NUP98: variants seen among roughly 807,000 people sequenced by gnomAD.
NUP98 encodes nucleoporin 98 and 96 precursor.
A neutral mutation model predicts 191.9 loss-of-function variants in NUP98; 26 were observed. The ratio of observed to expected loss-of-function variants is 0.14; its 90% CI spans 0.10 to 0.19. The LOEUF is 0.19. Ranked by LOEUF, NUP98 falls within the 10% of genes least tolerant of loss-of-function variation. The probability of loss-of-function intolerance (pLI) is 1.00; values close to 1 mark genes in which losing one functional copy is unlikely to be tolerated. For missense variants in NUP98, 1,941 were observed against 2,178.8 expected, an observed-to-expected ratio of 0.89 and a Z score of 2.17; for synonymous variants, 808 against 778.4, an observed-to-expected ratio of 1.04 and a Z score of -0.63.
At chr11:3,699,464 C>G in intron 24 of NUP98, 116 bp from the exon 25 acceptor site, 1 of 1,130,442 alleles carries the variant, frequency 8.8e-7, no homozygotes, top group Non-Finnish European at 1.3e-6. Context: ...TCTCAAACAA[C>G]CACTCAAGCT....
chr11:3,791,664 G>A (rs2082356251), intron 1 of NUP98, among the ~76,000 whole-genome samples: 1 of 150,544 alleles, frequency 6.6e-6, no homozygotes, highest in African/African-American at 2.4e-5. Context: ...CCAACATGAT[G>A]AAACCCTGTC....
chr11:3,731,179 G>A (rs753581267), intron 14 of NUP98, among the ~76,000 whole-genome samples: 40 of 151,576 alleles, frequency 2.6e-4, no homozygotes, highest in Admixed American at 4.6e-4. Flanking sequence ...CAAGAGAATC[G>A]TTTGAACCTG....
intron 4 of NUP98, among the ~76,000 whole-genome samples, chr11:3,777,272 A>G (rs2081765089): frequency 6.6e-6 from 1 of 152,232 alleles, no homozygotes; most frequent in African/African-American, 2.4e-5. Context: ...AATTACACAT[A>G]AATGAATTTA....
intron 10 of NUP98, chr11:3,760,326 T>G: frequency 1.7e-6 from 1 of 604,370 alleles, no homozygotes; most frequent in Non-Finnish European, 2.9e-6. Flanking sequence ...ACTAATTATC[T>G]CAAGCCATAT....
intron 7 of NUP98, among the ~76,000 whole-genome samples, chr11:3,769,800 T>C (rs71480410): frequency 0.012 from 1,894 of 151,726 alleles, 19 homozygotes; most frequent in South Asian, 0.026. Context: ...ATCCCAGCAC[T>C]TTGAGAGGCC....
intron 10 of NUP98, among the ~76,000 whole-genome samples, chr11:3,758,574 C>A (rs952138147): frequency 1.3e-5 from 2 of 152,136 alleles, no homozygotes; most frequent in African/African-American, 4.8e-5. Context: ...CGCCTGAGGT[C>A]AGGAGTTCAA....
chr11:3,781,062 T>G (rs1176865090), intron 2 of NUP98, among the ~76,000 whole-genome samples: 1 of 151,790 alleles, frequency 6.6e-6, no homozygotes, highest in Admixed American at 6.6e-5. Context: ...GGTGTGCAAC[T>G]GTGGTCCTAG....
intron 12 of NUP98, among the ~76,000 whole-genome samples, chr11:3,741,167 A>G (rs1407585857): frequency 1.3e-5 from 2 of 152,094 alleles, no homozygotes; most frequent in Non-Finnish European, 2.9e-5. Flanking sequence ...CAAGCACTAA[A>G]GTACTATCAA....
intron 28 of NUP98, among the ~76,000 whole-genome samples, chr11:3,690,540 G>A (rs910249179): frequency 2.0e-5 from 3 of 152,164 alleles, no homozygotes; most frequent in Admixed American, 1.3e-4. Flanking sequence ...GATTACAGGC[G>A]TGAGCCACCG....
chr11:3,754,480 C>A (rs1227699201), intron 10 of NUP98, among the ~76,000 whole-genome samples: 1 of 151,938 alleles, frequency 6.6e-6, no homozygotes, highest in African/African-American at 2.4e-5. Flanking sequence ...TTTAACTGAA[C>A]CTAAAGGTCC....
Position 3,706,466 on chromosome 11 carries a change from T to C in NUP98, c.2904A>G (p.Gly968=), listed in dbSNP as rs1460318572. Residue 968 remains glycine, a synonymous_variant, in exon 21 of 33, where the codon GGA becomes GGG. Transcript: ENST00000324932. ...SASTHIASSL[G]INPHVLQIMK... ...TCACCTGTAAGACATGTGGATTAAT[T>C]CCCAGTGAAGATGCAATATGTGTTG... 1 of 1,613,982 alleles carries C rather than the reference T, an allele frequency of 6.2e-7. No homozygotes were observed. The highest frequency in any genetic ancestry group is 8.5e-7 in the Non-Finnish European group (1 of 1,179,998).
chr11:3,679,122 CAAAAA>C (rs36063275), intron 31 of NUP98, among the ~76,000 whole-genome samples: 8 of 97,330 alleles, frequency 8.2e-5, no homozygotes, highest in Non-Finnish European at 1.2e-4. Flanking sequence ...GACTCTGTTC[CAAAAA>C]AAAAAAAAAA....
chr11:3,771,633 G>A (rs145835114), intron 7 of NUP98, 115 bp downstream of exon 7: 16 of 848,662 alleles, frequency 1.9e-5, no homozygotes, highest in Middle Eastern at 3.3e-4. Flanking sequence ...CTATTCCTAT[G>A]GTATCCCTGA....
intron 5 of NUP98, among the ~76,000 whole-genome samples, chr11:3,774,707 C>CA (rs879529823): frequency 5.8e-4 from 76 of 132,034 alleles, no homozygotes; most frequent in Admixed American, 9.2e-4. Context: ...ACTCTGTCTC[C>CA]AAAAAAAAAA....
At chr11:3,681,770 T>C (rs567024720) in intron 30 of NUP98, among the ~76,000 whole-genome samples, 3 of 152,302 alleles carry the variant, frequency 2.0e-5, no homozygotes, top group African/African-American at 7.2e-5. Context: ...ATTTTTAGAA[T>C]GGTAAATGAG....
intron 14 of NUP98, among the ~76,000 whole-genome samples, chr11:3,725,659 C>A (rs2079587659): frequency 3.3e-5 from 5 of 152,178 alleles, no homozygotes; most frequent in Admixed American, 3.3e-4. Context: ...GGTAAACAGA[C>A]ATTTGCTGAC....
chr11:3,726,077 C>A (rs1042548138), intron 14 of NUP98, among the ~76,000 whole-genome samples: 1 of 152,186 alleles, frequency 6.6e-6, no homozygotes, highest in South Asian at 2.1e-4. Context: ...CTACAGAGTA[C>A]ACACTCTTTT....
intron 28 of NUP98, among the ~76,000 whole-genome samples, chr11:3,690,143 G>T (rs1218550215): frequency 6.6e-6 from 1 of 151,076 alleles, no homozygotes; most frequent in Non-Finnish European, 1.5e-5. Context: ...GTAGAGATGG[G>T]GTTTCACCAT....
intron 24 of NUP98, 101 bp downstream of exon 24, chr11:3,700,509 T>A: frequency 1.4e-6 from 1 of 724,352 alleles, no homozygotes; most frequent in South Asian, 2.0e-5. Flanking sequence ...GCACAGGCAT[T>A]TACCTACTAG....
Sources: allele counts gnomAD v4.1 joint callset (sites outside exome capture counted in the v4.1 genomes callset), GRCh38; gene constraint gnomAD v4.1.1; transcripts MANE v1.5; gene names NCBI Gene and HGNC (gene_info 2026-07-23, HGNC 2026-07-21).